Variants in PCDH9 observed in about 807,000 individuals in gnomAD.
The protein encoded by PCDH9 is protocadherin 9.
In PCDH9, 24 loss-of-function variants were observed where a neutral mutation model predicts 70.6. That is an observed-to-expected ratio of 0.34 (90% CI 0.25 to 0.48). The LOEUF (loss-of-function observed/expected upper bound fraction) is 0.48. Ranked by LOEUF, PCDH9 falls within the 20% of genes least tolerant of loss-of-function variation. The pLI is 0.99. For missense variants in PCDH9, 1,281 were observed against 1,503.6 expected (o/e 0.85, Z 2.45); for synonymous variants, 562 against 558.5 (o/e 1.01, Z -0.09).
chr13:66,854,240 T>C (rs1368413238), intron 3 of PCDH9, among the ~76,000 whole-genome samples: 1 of 152,168 alleles, frequency 6.6e-6, no homozygotes, highest in African/African-American at 2.4e-5. Context: ...TCTTTAAGCC[T>C]TTACTTTTCT....
intron 2 of PCDH9, among the ~76,000 whole-genome samples, chr13:67,139,781 C>A (rs2087327552): frequency 6.6e-6 from 1 of 152,116 alleles, no homozygotes; most frequent in Non-Finnish European, 1.5e-5. Flanking sequence ...TGCATATGAA[C>A]CCTTGAAATA....
At chr13:66,329,399 G>T (rs1395136902) in intron 4 of PCDH9, among the ~76,000 whole-genome samples, 1 of 152,154 alleles carries the variant, frequency 6.6e-6, no homozygotes, top group Non-Finnish European at 1.5e-5. Flanking sequence ...GTCACTGAAG[G>T]TGCAGATTCA....
chr13:67,174,768 G>A (rs764834657), intron 2 of PCDH9, among the ~76,000 whole-genome samples: 4 of 152,052 alleles, frequency 2.6e-5, no homozygotes, highest in Non-Finnish European at 5.9e-5. Flanking sequence ...CTTTCATAAA[G>A]TGTCATTTCT....
intron 2 of PCDH9, among the ~76,000 whole-genome samples, chr13:67,184,326 C>T (rs1275311074): frequency 6.6e-6 from 1 of 152,074 alleles, no homozygotes; most frequent in Non-Finnish European, 1.5e-5. Flanking sequence ...CCTTTTCATG[C>T]CAAAAATTCT....
At chr13:66,789,132 C>T (rs930624805) in intron 3 of PCDH9, among the ~76,000 whole-genome samples, 5 of 152,146 alleles carry the variant, frequency 3.3e-5, no homozygotes, top group African/African-American at 7.2e-5. Context: ...TGAACCAAGA[C>T]GTTTATAGCT....
At chr13:66,800,173 C>A (rs894355207) in intron 3 of PCDH9, among the ~76,000 whole-genome samples, 1 of 152,170 alleles carries the variant, frequency 6.6e-6, no homozygotes, top group Non-Finnish European at 1.5e-5. Flanking sequence ...ATCCCTCTAA[C>A]CACATAACTC....
chr13:67,067,741 TG>T (rs894630304), intron 2 of PCDH9, among the ~76,000 whole-genome samples: 1 of 138,414 alleles, frequency 7.2e-6, no homozygotes, highest in Non-Finnish European at 1.5e-5. Context: ...GTAAAGAATT[TG>T]GGGGGTTCAA....
chr13:66,750,307 C>G (rs947832017), intron 3 of PCDH9, among the ~76,000 whole-genome samples: 3 of 152,126 alleles, frequency 2.0e-5, no homozygotes, highest in Non-Finnish European at 4.4e-5. Flanking sequence ...GTGCACTCAG[C>G]AAACACATAT....
chr13:66,807,871 A>G (rs1253244918), intron 3 of PCDH9, among the ~76,000 whole-genome samples: 2 of 152,166 alleles, frequency 1.3e-5, no homozygotes, highest in Non-Finnish European at 2.9e-5. Context: ...AACTTTCATG[A>G]ACTCATGGAT....
chr13:67,059,787 G>C (rs1369350110), intron 2 of PCDH9, among the ~76,000 whole-genome samples: 1 of 151,774 alleles, frequency 6.6e-6, no homozygotes, highest in Non-Finnish European at 1.5e-5. Context: ...TAACTTTGAA[G>C]CTATCAGTTT....
At chr13:66,812,773 A>C (rs2080532327) in intron 3 of PCDH9, among the ~76,000 whole-genome samples, 1 of 152,208 alleles carries the variant, frequency 6.6e-6, no homozygotes, top group South Asian at 2.1e-4. Context: ...TTAGGAAATA[A>C]TTAGGAATAG....
At chr13:66,597,919 A>G (rs982579956) in intron 4 of PCDH9, among the ~76,000 whole-genome samples, 22 of 151,762 alleles carry the variant, frequency 1.4e-4, no homozygotes, top group Non-Finnish European at 2.9e-4. Context: ...TTGAATAGAC[A>G]CTTCTCCAAA....
chr13:66,745,820 A>C (rs1301398146), intron 3 of PCDH9, among the ~76,000 whole-genome samples: 1 of 152,148 alleles, frequency 6.6e-6, no homozygotes, highest in Non-Finnish European at 1.5e-5. Flanking sequence ...GAAGCAGGTG[A>C]GTGGCTAGTG....
intron 4 of PCDH9, among the ~76,000 whole-genome samples, chr13:66,409,834 G>C (rs1957341163): frequency 6.6e-6 from 1 of 152,178 alleles, no homozygotes; most frequent in African/African-American, 2.4e-5. Context: ...ACGTTAGCTA[G>C]TCCTGCTGGT....
intron 4 of PCDH9, among the ~76,000 whole-genome samples, chr13:66,477,623 T>A (rs1253740573): frequency 6.6e-6 from 1 of 152,186 alleles, no homozygotes; most frequent in African/African-American, 2.4e-5. Flanking sequence ...AATACCTAAC[T>A]CTGAGAGTGT....
intron 3 of PCDH9, among the ~76,000 whole-genome samples, chr13:66,810,658 A>G (rs2080488149): frequency 6.6e-6 from 1 of 151,892 alleles, no homozygotes; most frequent in Admixed American, 6.6e-5. Context: ...TATTTTTATC[A>G]CTCTTCTTAA....
intron 4 of PCDH9, among the ~76,000 whole-genome samples, chr13:66,479,559 C>T (rs1294694529): frequency 6.6e-6 from 1 of 152,070 alleles, no homozygotes; most frequent in Non-Finnish European, 1.5e-5. Flanking sequence ...CTTCCTGGGT[C>T]GAGTGGGGAC....
chr13:66,744,350 A>C (rs1465975720), intron 3 of PCDH9, among the ~76,000 whole-genome samples: 1 of 152,226 alleles, frequency 6.6e-6, no homozygotes, highest in East Asian at 1.9e-4. Context: ...TCGCATGCAT[A>C]AAACTATGCA....
chr13:67,095,685 T>A lies in PCDH9; in HGVS notation c.3036+129720A>T, dbSNP rs1183123307. 2.0e-5 allele frequency among the ~76,000 whole-genome samples: 3 copies of A among 152,206 alleles called. No individual in the cohort carries two copies. The East Asian group carries it at 5.8e-4, about 29-fold the overall frequency. ...CTGTTGCAAGGATTAAATGAGATAA[T>A]GTCTATAAAATGCCTACCATAATAC... On this transcript the variant is annotated intron_variant, in intron 2 of 4. Transcript: ENST00000377865.
Sources: gnomAD v4.1 joint callset for allele counts (sites outside exome capture counted in the v4.1 genomes callset) on GRCh38, gnomAD v4.1.1 for gene constraint, MANE v1.5 for transcripts, NCBI Gene and HGNC (gene_info 2026-07-23, HGNC 2026-07-21) for gene names.